ATP9B: variants seen among roughly 807,000 people sequenced by gnomAD.
ATP9B encodes probable phospholipid-transporting ATPase IIB.
In ATP9B, 110 loss-of-function variants were observed where a neutral mutation model predicts 146.1. The ratio of observed to expected loss-of-function variants is 0.75; its 90% CI spans 0.65 to 0.88. The LOEUF (loss-of-function observed/expected upper bound fraction) is 0.88. Among genes scored for constraint, ATP9B ranks in the 40% least tolerant of loss-of-function variants. ATP9B has a pLI of 0.00. For missense variants in ATP9B, 1,499 were observed against 1,496.4 expected (o/e 1.00, Z -0.03); for synonymous variants, 604 against 569.7 (o/e 1.06, Z -0.86).
intron 17 of ATP9B, among the ~76,000 whole-genome samples, chr18:79,334,165 G>C (rs972546371): frequency 6.6e-6 from 1 of 152,072 alleles, no homozygotes; most frequent in African/African-American, 2.4e-5. Flanking sequence ...AGACCATCCT[G>C]GCCAACATGG....
intron 4 of ATP9B, among the ~76,000 whole-genome samples, chr18:79,121,493 A>C (rs1004764517): frequency 4.6e-5 from 7 of 152,186 alleles, no homozygotes; most frequent in Admixed American, 3.9e-4. Flanking sequence ...GTCCTCCATA[A>C]ACCACCAATC....
chr18:79,329,176 C>T lies in ATP9B; in HGVS notation c.1809C>T (p.Leu603=), dbSNP rs770013169. ...TGCAGTGGACAGAGAGTGTGGGCCT[C>T]ACGCTGGTCAGCAGGGACCTCACCT... ...ALVQWTESVG[L]TLVSRDLTSM... The change falls in exon 16 of 30, where the codon CTC becomes CTT. Residue 603 remains leucine, a synonymous_variant. Coordinates refer to ENST00000426216, the MANE Select transcript of ATP9B (RefSeq NM_198531.5). 9 of 1,610,188 alleles carry T rather than the reference C, an allele frequency of 5.6e-6. No individual in the cohort carries two copies. The Admixed American group carries it at 6.7e-5, about 12-fold the overall frequency.
chr18:79,356,067 TAGGAAA>T (rs976846176), intron 25 of ATP9B, among the ~76,000 whole-genome samples: 1 of 151,960 alleles, frequency 6.6e-6, no homozygotes, highest in African/African-American at 2.4e-5. Context: ...GCAGTCCAGT[TAGGAAA>T]AGGACAGAAG....
intron 4 of ATP9B, among the ~76,000 whole-genome samples, chr18:79,118,390 G>GGTT (rs1555689295): frequency 0.18 from 16,836 of 93,732 alleles, 2,374 homozygotes; most frequent in South Asian, 0.29. Context: ...GAACGTTTTT[G>GGTT]TTTTTTTTTT....
At chr18:79,375,016 C>T (rs954081035) in intron 28 of ATP9B, among the ~76,000 whole-genome samples, 1 of 152,212 alleles carries the variant, frequency 6.6e-6, no homozygotes, top group Non-Finnish European at 1.5e-5. Flanking sequence ...GTCTGAAGAT[C>T]AGTAGTAACA....
chr18:79,146,737 A>T, intron 6 of ATP9B: 1 of 163,778 alleles, frequency 6.1e-6, no homozygotes, highest in Non-Finnish European at 1.3e-5. Context: ...GTGTTAAGGG[A>T]GTTCGTTCCT....
chr18:79,346,183 C>T (rs1008801982), intron 23 of ATP9B, among the ~76,000 whole-genome samples: 1 of 150,340 alleles, frequency 6.7e-6, no homozygotes, highest in African/African-American at 2.5e-5. Flanking sequence ...AGCACGTGCT[C>T]AGCGCACAGT....
intron 25 of ATP9B, among the ~76,000 whole-genome samples, chr18:79,351,669 T>G (rs2096923055): frequency 6.6e-6 from 1 of 152,226 alleles, no homozygotes; most frequent in African/African-American, 2.4e-5. Context: ...TGCATTCATT[T>G]CATCAGCTCT....
chr18:79,354,574 A>C (rs1269561466), intron 25 of ATP9B: 4 of 76,432 alleles, frequency 5.2e-5, no homozygotes, highest in Non-Finnish European at 1.2e-4. Flanking sequence ...GTCTCAAAAA[A>C]AAAAAAAAAA....
intron 15 of ATP9B, among the ~76,000 whole-genome samples, chr18:79,310,537 C>A (rs2096646750): frequency 6.6e-6 from 1 of 152,174 alleles, no homozygotes; most frequent in African/African-American, 2.4e-5. Context: ...CTTCTAGAAG[C>A]AGAAGAATTC....
At chr18:79,155,636 G>A (rs1428052933) in intron 7 of ATP9B, among the ~76,000 whole-genome samples, 1 of 151,576 alleles carries the variant, frequency 6.6e-6, no homozygotes, top group African/African-American at 2.4e-5. Flanking sequence ...TATTTCTAAT[G>A]TGAAAACTGT....
chr18:79,221,310 C>T (rs1045875937), intron 11 of ATP9B, among the ~76,000 whole-genome samples: 4 of 152,212 alleles, frequency 2.6e-5, no homozygotes, highest in African/African-American at 9.6e-5. Flanking sequence ...GGAGCATCCT[C>T]AGCTCCTGGA....
intron 11 of ATP9B, among the ~76,000 whole-genome samples, chr18:79,245,478 T>TA (rs2095935314): frequency 1.3e-5 from 2 of 152,224 alleles, no homozygotes; most frequent in African/African-American, 4.8e-5. Flanking sequence ...AAGCTGTTGT[T>TA]ACAATGTTAT....
At chr18:79,087,509 T>G (rs1181330377) in intron 1 of ATP9B, 1 of 152,264 alleles carries the variant, frequency 6.6e-6, no homozygotes, top group Non-Finnish European at 1.5e-5. Flanking sequence ...GTTTTTTGCT[T>G]TGTTTTTCTA....
chr18:79,348,029 G>A, intron 24 of ATP9B, 103 bp from the exon 25 acceptor site: 1 of 1,599,462 alleles, frequency 6.3e-7, no homozygotes, highest in Non-Finnish European at 8.5e-7. Context: ...GCTGCCGGAA[G>A]TACCTGGGCT....
chr18:79,243,198 A>T (rs1039875458), intron 11 of ATP9B, among the ~76,000 whole-genome samples: 2 of 152,232 alleles, frequency 1.3e-5, no homozygotes, highest in African/African-American at 2.4e-5. Flanking sequence ...GGAACAGAAA[A>T]TGTACAGAAC....
intron 14 of ATP9B, among the ~76,000 whole-genome samples, chr18:79,306,058 C>G (rs2096618818): frequency 6.6e-6 from 1 of 152,232 alleles, no homozygotes; most frequent in African/African-American, 2.4e-5. Flanking sequence ...TGGGCTGGGT[C>G]CTCACTGAAA....
chr18:79,135,494 T>C (rs984158157), intron 5 of ATP9B, among the ~76,000 whole-genome samples: 5 of 152,226 alleles, frequency 3.3e-5, no homozygotes, highest in African/African-American at 1.2e-4. Context: ...AGCTCTAGTT[T>C]TGGCTCCTGT....
chr18:79,121,261 CT>C (rs1387743286), intron 4 of ATP9B, among the ~76,000 whole-genome samples: 6 of 152,230 alleles, frequency 3.9e-5, no homozygotes, highest in Non-Finnish European at 8.8e-5. Flanking sequence ...AGGAGAAAGG[CT>C]GTGGACAAGC....
Sources: gnomAD v4.1 joint callset for allele counts (sites outside exome capture counted in the v4.1 genomes callset) on GRCh38, gnomAD v4.1.1 for gene constraint, MANE v1.5 for transcripts, NCBI Gene and HGNC (gene_info 2026-07-23, HGNC 2026-07-21) for gene names.